Variants in CUX1 observed in about 807,000 individuals in gnomAD.
The protein encoded by CUX1 is cut like homeobox 1, also known as protein CASP.
In CUX1, 31 loss-of-function variants were observed where a neutral mutation model predicts 158.8. That is an observed-to-expected ratio of 0.20 (90% CI 0.15 to 0.26). CUX1 has a LOEUF of 0.26. Among genes scored for constraint, CUX1 ranks in the 10% least tolerant of loss-of-function variants. The pLI, the probability that CUX1 is intolerant of heterozygous loss-of-function variation, is 1.00. For synonymous variants in CUX1, 879 were observed against 862.1 expected, an observed-to-expected ratio of 1.02 and a Z score of -0.34; for missense variants, 1,589 against 2,014.6, an observed-to-expected ratio of 0.79 and a Z score of 4.04.
intron 8 of CUX1, among the ~76,000 whole-genome samples, chr7:102,133,523 TG>T (rs1308825757): frequency 2.1e-5 from 3 of 140,338 alleles, no homozygotes; most frequent in Non-Finnish European, 3.0e-5. Flanking sequence ...TCACCCAGGC[TG>T]GAGTGCAGTG....
rs1799945810 is a variant in CUX1 at position 102,239,595 on chromosome 7, T to C, written c.3887+11T>C. On this transcript the variant is annotated intron_variant, in intron 23 of 23. Coordinates refer to ENST00000292535, the MANE Select transcript of CUX1 (RefSeq NM_181552.4). ...GTTCCACAACTACAGGTACGACGGC[T>C]GGCTCACAGGGAGCGCCGGTCGGCC... 1 of 1,606,836 alleles carries C rather than the reference T, an allele frequency of 6.2e-7. No homozygotes were observed. The highest frequency in any genetic ancestry group is 8.5e-7 in the Non-Finnish European group (1 of 1,174,262).
intron 1 of CUX1, among the ~76,000 whole-genome samples, chr7:101,864,322 C>T (rs533359662): frequency 2.5e-4 from 38 of 151,716 alleles, no homozygotes; most frequent in Non-Finnish European, 4.4e-4. Flanking sequence ...CACCACACCC[C>T]GCTAATTTTT....
chr7:102,188,598 G>C (rs1191891368), intron 11 of CUX1: 3 of 152,026 alleles, frequency 2.0e-5, no homozygotes. Flanking sequence ...CCTGGGGTCG[G>C]GAGTTCGAGA....
chr7:101,891,070 A>T (rs1800831671), intron 1 of CUX1, among the ~76,000 whole-genome samples: 1 of 152,044 alleles, frequency 6.6e-6, no homozygotes, highest in South Asian at 2.1e-4. Context: ...TTTTAGAGTT[A>T]TTATGGACCC....
intron 2 of CUX1, among the ~76,000 whole-genome samples, chr7:101,992,234 G>A (rs1462857096): frequency 1.3e-5 from 2 of 152,056 alleles, no homozygotes; most frequent in African/African-American, 4.8e-5. Context: ...GTGGGACGGG[G>A]TTGGGGGGCA....
At chr7:101,949,074 G>A (rs1370439868) in intron 2 of CUX1, among the ~76,000 whole-genome samples, 1 of 152,198 alleles carries the variant, frequency 6.6e-6, no homozygotes, top group Non-Finnish European at 1.5e-5. Flanking sequence ...GGCTGGAAAT[G>A]TAAAAATCTG....
At chr7:101,851,222 A>G (rs938590818) in intron 1 of CUX1, among the ~76,000 whole-genome samples, 1 of 152,222 alleles carries the variant, frequency 6.6e-6, no homozygotes, top group African/African-American at 2.4e-5. Flanking sequence ...AAATATTAGT[A>G]TTCTTTGTAC....
At chr7:101,872,278 C>T (rs1168425760) in intron 1 of CUX1, among the ~76,000 whole-genome samples, 2 of 151,904 alleles carry the variant, frequency 1.3e-5, no homozygotes, top group East Asian at 3.9e-4. Flanking sequence ...GGATTACAGG[C>T]GCCCATCACC....
At chr7:102,002,195 G>A (rs553536102) in intron 2 of CUX1, among the ~76,000 whole-genome samples, 31 of 152,336 alleles carry the variant, frequency 2.0e-4, no homozygotes, top group African/African-American at 7.5e-4. Context: ...AGCTACTCCA[G>A]AGGCTGAGGC....
In CUX1 at chr7:102,201,958, C is replaced by G. The variant is rs1554519942; in HGVS notation, c.2661C>G (p.Ser887=). The G allele has an allele frequency of 1.2e-6, 2 of 1,614,034 alleles. No individual in the cohort carries two copies. Among genetic ancestry groups the G allele is most frequent in the Admixed American group, 1.7e-5 (1 of 60,012 alleles). Residue 887 remains serine (S), a synonymous_variant, in exon 18 of 24, where the codon TCC becomes TCG. Transcript: ENST00000292535. This position sits in a 1 kb window ranked among gnomAD's most constrained non-coding sequence, Gnocchi z 5.0. ...GGAAGGAGTGGCCCAGCGCTGAGTCCCCATACTCCCAGAGCTCAGAGCTGA... is the reference window on the plus strand; with the variant it reads ...GGAAGGAGTGGCCCAGCGCTGAGTCGCCATACTCCCAGAGCTCAGAGCTGA... ...EYWKEWPSAE[S]PYSQSSELSL...
chr7:101,860,367 A>G (rs762118205), intron 1 of CUX1, among the ~76,000 whole-genome samples: 16 of 152,322 alleles, frequency 1.1e-4, no homozygotes, highest in Admixed American at 2.6e-4. Flanking sequence ...TATTTTCTCC[A>G]TAAATATTTC....
At chr7:102,165,408 A>C (rs1790917635) in intron 9 of CUX1, among the ~76,000 whole-genome samples, 1 of 136,044 alleles carries the variant, frequency 7.4e-6, no homozygotes, top group Admixed American at 8.3e-5. Flanking sequence ...GCTGGAGTTC[A>C]GTGGCGTGAT....
At chr7:102,082,239 A>T (rs1827498770) in intron 4 of CUX1, among the ~76,000 whole-genome samples, 1 of 146,700 alleles carries the variant, frequency 6.8e-6, no homozygotes, top group African/African-American at 2.4e-5. Flanking sequence ...AAAAAGTTTG[A>T]ATTGGGCCAG....
At chr7:102,017,955 C>T (rs144123718) in intron 2 of CUX1, among the ~76,000 whole-genome samples, 1 of 152,216 alleles carries the variant, frequency 6.6e-6, no homozygotes, top group East Asian at 1.9e-4. Flanking sequence ...TGAAATGTAA[C>T]TAGAGATTTG....
Position 102,097,405 on chromosome 7 carries a change from A to C in CUX1, c.310A>C (p.Lys104Gln), listed in dbSNP as rs2130908536. The C allele has an allele frequency of 6.2e-7, 1 of 1,613,058 alleles. No individual in the cohort carries two copies. The highest frequency in any genetic ancestry group is 1.1e-5 in the South Asian group (1 of 90,722). The change falls in exon 5 of 24, where the codon AAA (lysine) becomes CAA (glutamine). Residue 104 changes from lysine to glutamine, a missense_variant. Coordinates refer to ENST00000292535, the MANE Select transcript of CUX1 (RefSeq NM_181552.4). ...ALDLGQQLQL[K>Q]VQRLHDIETE... The stretch of plus-strand genomic sequence containing the variant: ...GGATCTCGGACAGCAACTCCAGCTC[A>C]AAGTGCAGCGCCTGCACGATATTGA...
intron 20 of CUX1, 79 bp downstream of exon 20, chr7:102,205,249 G>A: frequency 9.2e-7 from 1 of 1,091,178 alleles, no homozygotes; most frequent in South Asian, 1.3e-5. Context: ...GTCTGTCCCG[G>A]CGAGACTCCG....
At chr7:101,844,140 C>T (rs1366781729) in intron 1 of CUX1, among the ~76,000 whole-genome samples, 2 of 152,202 alleles carry the variant, frequency 1.3e-5, no homozygotes, top group East Asian at 1.9e-4. Flanking sequence ...GACTGGGAAC[C>T]TGGGTGGGCA....
intron 2 of CUX1, among the ~76,000 whole-genome samples, chr7:102,022,188 G>C (rs1158461076): frequency 6.6e-6 from 1 of 152,178 alleles, no homozygotes. Context: ...ACTGCATGAC[G>C]ATTTTGTCTC....
intron 1 of CUX1, among the ~76,000 whole-genome samples, chr7:101,854,090 C>T (rs1237831590): frequency 6.6e-6 from 1 of 152,192 alleles, no homozygotes; most frequent in African/African-American, 2.4e-5. Flanking sequence ...TTCTTGCTTT[C>T]CTGTCCTCTT....
Sources: allele counts gnomAD v4.1 joint callset (sites outside exome capture counted in the v4.1 genomes callset), GRCh38; gene constraint gnomAD v4.1.1; non-coding constraint Gnocchi (gnomAD v3.1); transcripts MANE v1.5; gene names NCBI Gene and HGNC (gene_info 2026-07-23, HGNC 2026-07-21).